EPRS1: variants seen among roughly 807,000 people sequenced by gnomAD.
The protein encoded by EPRS1 is bifunctional glutamate/proline--tRNA ligase.
EPRS1 carries 107 observed loss-of-function variants against 188.3 expected under a neutral mutation model. The observed-to-expected ratio is 0.57, with a 90% CI of 0.49 to 0.67. The LOEUF (loss-of-function observed/expected upper bound fraction) is 0.67. Among genes scored for constraint, EPRS1 ranks in the 30% least tolerant of loss-of-function variants. EPRS1 has a pLI of 0.00. For missense variants in EPRS1, 1,577 were observed against 1,802.2 expected (o/e 0.88, Z 2.26); for synonymous variants, 596 against 593.1 (o/e 1.00, Z -0.07).
At chr1:220,012,798 G>C (rs2647474) in intron 12 of EPRS1, among the ~76,000 whole-genome samples, 15,222 of 29,912 alleles carry the variant, frequency 0.51, 3,497 homozygotes, top group East Asian at 0.76. Flanking sequence ...TTATTTATTG[G>C]GGTTTAATTC....
chr1:220,040,115 G>A (rs1014431335), intron 2 of EPRS1, 70 bp downstream of exon 2: 1 of 993,370 alleles, frequency 1.0e-6, no homozygotes, highest in Non-Finnish European at 1.6e-6. Context: ...GGGAGACTCT[G>A]TCTCTAAAAA....
At chr1:219,972,897 A>C (rs901487499) in intron 29 of EPRS1, among the ~76,000 whole-genome samples, 1 of 152,158 alleles carries the variant, frequency 6.6e-6, no homozygotes, top group African/African-American at 2.4e-5. Flanking sequence ...ACTGGTATTT[A>C]CTAAAGCTTC....
intron 17 of EPRS1, among the ~76,000 whole-genome samples, chr1:219,998,709 A>G (rs1252378955): frequency 6.6e-6 from 1 of 151,726 alleles, no homozygotes; most frequent in African/African-American, 2.4e-5. Context: ...CACCCAGCTA[A>G]TTTTTACATT....
intron 1 of EPRS1, among the ~76,000 whole-genome samples, chr1:220,044,396 A>G (rs924377840): frequency 3.3e-5 from 5 of 152,202 alleles, no homozygotes; most frequent in African/African-American, 1.2e-4. Flanking sequence ...CTACAGAAAC[A>G]GGCCACCTTC....
rs373619553 is a variant in EPRS1 at position 220,019,089 on chromosome 1, T to C, written c.1350-10A>G. 1.7e-5 allele frequency: 27 copies of C among 1,591,964 alleles called. No individual in the cohort carries two copies. The highest frequency in any genetic ancestry group is 2.7e-5 in the African/African-American group (2 of 74,496). On this transcript the variant is annotated splice_polypyrimidine_tract_variant and intron_variant, in intron 10 of 31. Coordinates refer to ENST00000366923, the MANE Select transcript of EPRS1 (RefSeq NM_004446.3). ...AAATCTTGGGTCATCCCTGGAAATA[T>C]GTAAATTTTAAGTACCAAGGAAATT...
Position 219,997,003 on chromosome 1 carries a change from T to G in EPRS1, c.2521A>C (p.Lys841Gln), listed in dbSNP as rs924970657. 1.2e-6 allele frequency: 2 copies of G among 1,602,514 alleles called. No homozygotes were observed. Among genetic ancestry groups the G allele is most frequent in the African/African-American group, 2.7e-5 (2 of 74,410 alleles). ...CTGACCTTAGGGGATTTTTCAGCTTTTAGCTTACGAACCACCTCCCCTTGT... is the reference window on the plus strand; with the variant it reads ...CTGACCTTAGGGGATTTTTCAGCTTGTAGCTTACGAACCACCTCCCCTTGT... The part of the protein sequence containing the change: ...AAQGEVVRKL[K>Q]AEKSPKAKIN... The change falls in exon 18 of 32, where the codon AAA becomes CAA. Residue 841 changes from lysine to glutamine, a missense_variant. By Grantham distance (53) the Lys-to-Gln change is moderately conservative (BLOSUM62 1). Around this residue, in one of 3 missense-constraint regions of EPRS1, gnomAD observed 1,278 missense variants for 1,457.4 expected, o/e 0.88. Coordinates refer to ENST00000366923, the MANE Select transcript of EPRS1 (RefSeq NM_004446.3).
rs754310485 is a variant in EPRS1, at chr1:219,968,835, A to G, written c.4510T>C (p.Tyr1504His). ...KCVCGKNPAK[Y>H]YTLFGRSY The stretch of plus-strand genomic sequence containing the variant: ...TAGCTGCGACCAAATAAGGTGTAGT[A>G]CTTGGCAGGGTTCTTGCCACAGACA... The change falls in exon 32 of 32, where the codon TAC becomes CAC. Residue 1504 changes from tyrosine to histidine, a missense_variant. Around this residue, in one of 3 missense-constraint regions of EPRS1, gnomAD observed 296 missense variants for 327.9 expected, o/e 0.90. Transcript: ENST00000366923. The G allele has an allele frequency of 6.2e-7, 1 of 1,614,180 alleles. No individual in the cohort carries two copies. Among genetic ancestry groups the G allele is most frequent in the South Asian group, 1.1e-5 (1 of 91,086 alleles).
chr1:219,992,556 A>G (rs1661143483), intron 18 of EPRS1, among the ~76,000 whole-genome samples: 1 of 152,218 alleles, frequency 6.6e-6, no homozygotes, highest in African/African-American at 2.4e-5. Flanking sequence ...CTTGGTTGCA[A>G]CTATTCAACT....
chr1:220,030,685 C>T (rs12123041), intron 5 of EPRS1, among the ~76,000 whole-genome samples: 7,500 of 152,188 alleles, frequency 0.049, 253 homozygotes, highest in Non-Finnish European at 0.079. Flanking sequence ...GTTCAGGGTG[C>T]TGTTAGGGCA....
intron 20 of EPRS1, among the ~76,000 whole-genome samples, chr1:219,986,920 T>G (rs2789796): frequency 6.6e-6 from 1 of 151,928 alleles, no homozygotes. Context: ...ATGGGAAACA[T>G]GCACAGGAAC....
At chr1:220,044,713 A>AAC (rs1491467092) in intron 1 of EPRS1, among the ~76,000 whole-genome samples, 1 of 127,776 alleles carries the variant, frequency 7.8e-6, no homozygotes, top group Middle Eastern at 3.8e-3. Flanking sequence ...AAAAAAAAAA[A>AAC]CAGTATCAGG....
intron 1 of EPRS1, among the ~76,000 whole-genome samples, chr1:220,041,423 C>A (rs1459457482): frequency 6.6e-6 from 1 of 152,116 alleles, no homozygotes; most frequent in Non-Finnish European, 1.5e-5. Flanking sequence ...ATGTCCTTGA[C>A]AAAATATATA....
At chr1:220,044,982 C>T (rs540428756) in intron 1 of EPRS1, among the ~76,000 whole-genome samples, 3 of 152,194 alleles carry the variant, frequency 2.0e-5, no homozygotes, top group East Asian at 3.9e-4. Flanking sequence ...ATTTGTTGTG[C>T]GGTTAGTCCA....
Position 220,007,194 on chromosome 1 carries a change from G to A in EPRS1, c.1742+8C>T. 3 of 1,603,038 alleles carry A rather than the reference G, an allele frequency of 1.9e-6. No homozygotes were observed. Among genetic ancestry groups the A allele is most frequent in the African/African-American group, 1.3e-5 (1 of 74,466 alleles). On this transcript the variant is annotated splice_region_variant and intron_variant, in intron 14 of 31. Coordinates refer to ENST00000366923, the MANE Select transcript of EPRS1 (RefSeq NM_004446.3). Reference sequence around the variant, plus strand: ...ATGTTTATTTGAAAACAAACAAAAAGTTCTTACTTGTGTATTTTTGTAATG... The same window carrying A: ...ATGTTTATTTGAAAACAAACAAAAAATTCTTACTTGTGTATTTTTGTAATG...
At chr1:220,027,421 C>A (rs1262819122) in intron 6 of EPRS1, among the ~76,000 whole-genome samples, 1 of 76,742 alleles carries the variant, frequency 1.3e-5, no homozygotes, top group East Asian at 5.3e-4. Context: ...GAGCAAGACT[C>A]CATCTCAAAA....
intron 18 of EPRS1, among the ~76,000 whole-genome samples, chr1:219,994,114 A>G (rs1235113154): frequency 6.6e-6 from 1 of 152,030 alleles, no homozygotes; most frequent in East Asian, 1.9e-4. Flanking sequence ...CGTTTTAGAG[A>G]AAAAAAACAT....
At chr1:219,978,761 A>T (rs1660828404) in intron 27 of EPRS1, 42 bp from the exon 28 acceptor site, 3 of 1,504,800 alleles carry the variant, frequency 2.0e-6, no homozygotes, top group Non-Finnish European at 2.7e-6. Context: ...AAAGAAACAG[A>T]TATAGAAGTA....
At chr1:220,035,503 A>G (rs1206167373) in intron 2 of EPRS1, among the ~76,000 whole-genome samples, 1 of 152,178 alleles carries the variant, frequency 6.6e-6, no homozygotes, top group African/African-American at 2.4e-5. Context: ...TGAAAATATA[A>G]CTGGGATGTT....
intron 9 of EPRS1, among the ~76,000 whole-genome samples, chr1:220,021,196 T>A (rs1346600006): frequency 6.6e-6 from 1 of 151,252 alleles, no homozygotes; most frequent in African/African-American, 2.4e-5. Context: ...GCTTTCCTTT[T>A]TGTTTGTCTA....
Sources: allele counts gnomAD v4.1 joint callset (sites outside exome capture counted in the v4.1 genomes callset), GRCh38; gene constraint gnomAD v4.1.1; regional missense constraint gnomAD v4.1.1; transcripts MANE v1.5; gene names NCBI Gene and HGNC (gene_info 2026-07-23, HGNC 2026-07-21).